The following DNAAF11 variants were observed in gnomAD, a reference collection of about 807,000 sequenced individuals.
DNAAF11 encodes the protein dynein axonemal assembly factor 11.
In DNAAF11, 45 loss-of-function variants were observed where a neutral mutation model predicts 60.8. The ratio of observed to expected loss-of-function variants is 0.74; its 90% CI spans 0.58 to 0.95. The LOEUF is 0.95. DNAAF11 is among the 40% of genes least tolerant of loss of function. The pLI is 0.00. For missense variants in DNAAF11, 546 were observed against 546.2 expected (o/e 1.00, Z 0.00); for synonymous variants, 191 against 183.5 (o/e 1.04, Z -0.33).
At chr8:132,674,837 G>A (rs1462446529) in intron 1 of DNAAF11, among the ~76,000 whole-genome samples, 2 of 152,252 alleles carry the variant, frequency 1.3e-5, no homozygotes, top group African/African-American at 4.8e-5. Context: ...GCAGTGGGCC[G>A]AGATCGCGCC....
At chr8:132,575,908 T>C (rs1173953708) in intron 11 of DNAAF11, among the ~76,000 whole-genome samples, 7 of 152,106 alleles carry the variant, frequency 4.6e-5, no homozygotes, top group South Asian at 2.1e-4. Context: ...AGGTAATCTG[T>C]TGGGGAGGCC....
At chr8:132,623,435 A>T (rs1819954503) in intron 6 of DNAAF11, among the ~76,000 whole-genome samples, 1 of 152,124 alleles carries the variant, frequency 6.6e-6, no homozygotes, top group Non-Finnish European at 1.5e-5. Context: ...AAAAAAAAAA[A>T]TGTAGTGAGA....
chr8:132,604,673 G>A (rs190548885), intron 10 of DNAAF11, among the ~76,000 whole-genome samples: 2 of 152,246 alleles, frequency 1.3e-5, no homozygotes, highest in Admixed American at 1.3e-4. Context: ...AAAAGATTAT[G>A]TACATAGAAC....
chr8:132,608,298 T>A (rs1484850993), intron 10 of DNAAF11: 2 of 182,298 alleles, frequency 1.1e-5, no homozygotes, highest in South Asian at 2.3e-4. Context: ...AAAAAATATA[T>A]CCCTCAAGGG....
intron 4 of DNAAF11, among the ~76,000 whole-genome samples, chr8:132,633,546 T>C (rs1398639659): frequency 6.6e-6 from 1 of 152,206 alleles, no homozygotes; most frequent in East Asian, 1.9e-4. Context: ...TTATCTACCC[T>C]GCCTTATTCT....
chr8:132,684,024 C>T, the DNAAF11 span, among the ~76,000 whole-genome samples: 9 of 152,296 alleles, frequency 5.9e-5, no homozygotes, highest in African/African-American at 2.2e-4. Context: ...TTGATTCTAC[C>T]TTCTTGGCAC....
At chr8:132,688,099 C>T in the DNAAF11 span, among the ~76,000 whole-genome samples, 2 of 152,136 alleles carry the variant, frequency 1.3e-5, no homozygotes, top group Non-Finnish European at 2.9e-5. Flanking sequence ...GGTTCAAATG[C>T]TGCGATAACA....
At chr8:132,688,886 T>G in the DNAAF11 span, among the ~76,000 whole-genome samples, 2 of 152,200 alleles carry the variant, frequency 1.3e-5, no homozygotes, top group African/African-American at 2.4e-5. Context: ...TCACTTACGT[T>G]AAAAATACCG....
chr8:132,578,212 T>C (rs914679923), intron 11 of DNAAF11, among the ~76,000 whole-genome samples: 2 of 152,168 alleles, frequency 1.3e-5, no homozygotes, highest in African/African-American at 4.8e-5. Context: ...CTGGTCTCAG[T>C]AATAAGCCAT....
At chr8:132,664,290 C>A (rs765681153) in intron 1 of DNAAF11, among the ~76,000 whole-genome samples, 6 of 152,178 alleles carry the variant, frequency 3.9e-5, no homozygotes, top group Non-Finnish European at 7.4e-5. Context: ...TCTCTGGCCT[C>A]ATACTGCCAT....
At chr8:132,637,065 T>C (rs1194892102) in intron 4 of DNAAF11, among the ~76,000 whole-genome samples, 1 of 152,212 alleles carries the variant, frequency 6.6e-6, no homozygotes, top group African/African-American at 2.4e-5. Context: ...TTCTCTGTTG[T>C]ATGATTTCTC....
At chr8:132,618,754 T>C (rs1348680442) in intron 7 of DNAAF11, among the ~76,000 whole-genome samples, 1 of 151,938 alleles carries the variant, frequency 6.6e-6, no homozygotes, top group Non-Finnish European at 1.5e-5. Context: ...TGAGATACCA[T>C]CTCACGCCAG....
Position 132,672,851 on chromosome 8 carries a change from G to A in DNAAF11, c.10+2633C>T, listed in dbSNP as rs1015961956. ...AGGTTCGACGTCTCTCCTGACTGAC[G>A]GGATGTGACACTGGCTGAATCAATG... On this transcript the variant is annotated intron_variant, in intron 1 of 11. Coordinates refer to ENST00000620350, the MANE Select transcript of DNAAF11 (RefSeq NM_012472.6). Among the ~76,000 whole-genome samples the A allele has an allele frequency of 4.3e-4, 65 of 152,144 alleles. 1 individual carries two copies. Among genetic ancestry groups the A allele is most frequent in the African/African-American group, 5.6e-4 (23 of 41,418 alleles).
At chr8:132,664,140 T>C (rs1011987600) in intron 1 of DNAAF11, among the ~76,000 whole-genome samples, 9 of 152,250 alleles carry the variant, frequency 5.9e-5, no homozygotes, top group African/African-American at 1.4e-4. Context: ...CCTTTACTTA[T>C]ACTCTTGCCC....
At chr8:132,603,421 G>T (rs907067812) in intron 10 of DNAAF11, among the ~76,000 whole-genome samples, 1 of 152,154 alleles carries the variant, frequency 6.6e-6, no homozygotes, top group Non-Finnish European at 1.5e-5. Context: ...GAAGTATCTG[G>T]TGGCAGAGTG....
intron 1 of DNAAF11, among the ~76,000 whole-genome samples, chr8:132,674,785 G>A (rs1261539835): frequency 1.3e-5 from 2 of 152,240 alleles, no homozygotes; most frequent in Non-Finnish European, 2.9e-5. Context: ...CTACTCAGGT[G>A]GCTGAGGCAG....
At chr8:132,647,850 C>A (rs542707189) in intron 3 of DNAAF11, among the ~76,000 whole-genome samples, 1 of 152,278 alleles carries the variant, frequency 6.6e-6, no homozygotes, top group East Asian at 1.9e-4. Flanking sequence ...ATAACAGGCT[C>A]TGAAATTGAG....
chr8:132,629,654 C>G (rs73356803), intron 5 of DNAAF11, among the ~76,000 whole-genome samples: 2,191 of 152,046 alleles, frequency 0.014, 49 homozygotes, highest in African/African-American at 0.05. Flanking sequence ...GCCCAGATAC[C>G]CATTCTTAAC....
chr8:132,699,317 C>T, the DNAAF11 span, among the ~76,000 whole-genome samples: 1 of 151,998 alleles, frequency 6.6e-6, no homozygotes, highest in South Asian at 2.1e-4. Flanking sequence ...GCCTGAGTGT[C>T]CTACAAGTGC....
Sources: allele counts gnomAD v4.1 joint callset (sites outside exome capture counted in the v4.1 genomes callset), GRCh38; gene constraint gnomAD v4.1.1; transcripts MANE v1.5; gene names NCBI Gene and HGNC (gene_info 2026-07-23, HGNC 2026-07-21).